MRPL42: variants seen among roughly 807,000 people sequenced by gnomAD.
MRPL42 encodes the protein mitochondrial ribosomal protein L42.
Under a neutral mutation model 17.9 loss-of-function variants are expected in MRPL42, and 17 were observed. The ratio of observed to expected loss-of-function variants is 0.95; its 90% CI spans 0.65 to 1.42. The LOEUF (loss-of-function observed/expected upper bound fraction) is 1.42, where lower values mean the gene tolerates loss of function less well. MRPL42 is among the 40% of genes most tolerant of loss of function. The probability of loss-of-function intolerance (pLI) is 0.00; values close to 1 mark genes in which losing one functional copy is unlikely to be tolerated. For missense variants in MRPL42, 177 were observed against 175.2 expected (o/e 1.01, Z -0.06); for synonymous variants, 59 against 54.4 (o/e 1.08, Z -0.37).
rs1463161561 is a variant in MRPL42 at position 93,513,374 on chromosome 12, A to AC, written c.*12155dup. On this transcript the variant is annotated 3_prime_UTR_variant, in exon 6 of 6. Transcript: ENST00000549982. ...CCTGGCAAATTTATTTTTTGTAGAGACCAAGTCTCCTTGTGTTACCCAGGT... is the reference window on the plus strand; with the variant it reads ...CCTGGCAAATTTATTTTTTGTAGAGACCCAAGTCTCCTTGTGTTACCCAGGT... 4.0e-5 allele frequency: 6 copies of AC among 151,802 alleles called. No homozygotes were observed. Among genetic ancestry groups the AC allele is most frequent in the African/African-American group, 1.2e-4 (5 of 41,312 alleles). The allele number at this position is 151,802 out of a possible 1,614,324, so 9.4% of individuals were successfully genotyped here.
intron 5 of MRPL42, among the ~76,000 whole-genome samples, chr12:93,490,446 G>A (rs1191947545): frequency 6.6e-6 from 1 of 152,198 alleles, no homozygotes; most frequent in Non-Finnish European, 1.5e-5. Context: ...ACTAGTTTAT[G>A]TGTATAAAGA....
rs1953606472 is a variant in MRPL42, at chr12:93,502,168, CCTGA to C, written c.*951_*954del. ...GTAATTTGTTTTGAAGGTTTTTTTT[CCTGA>C]CTGTCTTAAAGATTATGCTAGCTTT... On this transcript the variant is annotated 3_prime_UTR_variant, in exon 6 of 6. Coordinates refer to ENST00000549982, the MANE Select transcript of MRPL42 (RefSeq NM_014050.4). The C allele has an allele frequency of 6.6e-6, 1 of 151,916 alleles. No individual in the cohort carries two copies. The highest frequency in any genetic ancestry group is 2.4e-5 in the African/African-American group (1 of 41,364). The allele number at this position is 151,916 out of a possible 1,614,324, so 9.4% of individuals were successfully genotyped here. A position where few individuals can be genotyped will look rare whatever the true frequency, so the allele number is the denominator to read the frequency against.
chr12:93,489,414 AT>A (rs1195402928), intron 5 of MRPL42, among the ~76,000 whole-genome samples: 1 of 151,976 alleles, frequency 6.6e-6, no homozygotes, highest in Non-Finnish European at 1.5e-5. Context: ...AATAAAAGTG[AT>A]TTTTTTGTAT....
chr12:93,495,304 A>AT (rs1953477950), intron 5 of MRPL42, among the ~76,000 whole-genome samples: 1 of 151,968 alleles, frequency 6.6e-6, no homozygotes, highest in Non-Finnish European at 1.5e-5. Flanking sequence ...TTATGACTTG[A>AT]TTTTTTTTCA....
chr12:93,469,418 A>G, intron 2 of MRPL42, 63 bp downstream of exon 2: 3 of 1,280,860 alleles, frequency 2.3e-6, no homozygotes, highest in Non-Finnish European at 3.3e-6. Context: ...GAAAATTTAA[A>G]GCATTTAGTT....
In MRPL42 at chr12:93,469,317, C is replaced by T. The variant is rs771087311; in HGVS notation, c.32C>T (p.Ser11Leu). 1.2e-6 allele frequency: 2 copies of T among 1,611,288 alleles called. No homozygotes were observed. Among genetic ancestry groups the T allele is most frequent in the South Asian group, 1.1e-5 (1 of 90,196 alleles). Residue 11 changes from serine to leucine, a missense_variant, in exon 2 of 6, where the codon TCA becomes TTA. Physicochemically the swap from Ser to Leu is moderately radical, Grantham distance 145. Transcript: ENST00000549982. ...GTAGCTGCAGTAAAATGGGTGATGT[C>T]AAAGAGAACTATCTTGAAACATTTA... MAVAAVKWVMSKRTILKHLFP... is the reference protein window; with the variant it reads MAVAAVKWVMLKRTILKHLFP...
chr12:93,496,841 C>T (rs1197739305), intron 5 of MRPL42, among the ~76,000 whole-genome samples: 2 of 151,972 alleles, frequency 1.3e-5, no homozygotes, highest in East Asian at 3.9e-4. Flanking sequence ...GGACGGAGTT[C>T]TGCTCTTGTC....
chr12:93,477,909 C>A (rs56923631), intron 3 of MRPL42, among the ~76,000 whole-genome samples: 2,360 of 150,754 alleles, frequency 0.016, 63 homozygotes, highest in African/African-American at 0.054. Flanking sequence ...GTAATCTGCC[C>A]ACCTGGGCCT....
chr12:93,482,282 G>A (rs149643932), intron 4 of MRPL42, among the ~76,000 whole-genome samples: 10 of 152,200 alleles, frequency 6.6e-5, no homozygotes, highest in South Asian at 2.1e-4. Context: ...TGCATTTAAA[G>A]TTGTACCTCT....
chr12:93,470,643 GT>G, intron 2 of MRPL42: 1 of 946,280 alleles, frequency 1.1e-6, no homozygotes, highest in Non-Finnish European at 1.4e-6. Context: ...AGTCCCCAGT[GT>G]TTATTGTTCC....
At chr12:93,472,616 GTTA>G (rs1449401290) in intron 2 of MRPL42, among the ~76,000 whole-genome samples, 1 of 152,064 alleles carries the variant, frequency 6.6e-6, no homozygotes, top group Non-Finnish European at 1.5e-5. Context: ...TTTCATTACT[GTTA>G]TTATTGATGT....
At position 93,510,007 on chromosome 12, in the gene MRPL42, T is replaced by G. The variant is rs1462327781; in HGVS notation, c.*8786T>G. ...TTCACTCTTGGTGCTGTACAATCTATGGGTTTGAACAAAGGTACAATGACA... is the reference window on the plus strand; with the variant it reads ...TTCACTCTTGGTGCTGTACAATCTAGGGGTTTGAACAAAGGTACAATGACA... On this transcript the variant is annotated 3_prime_UTR_variant, in exon 6 of 6. Transcript: ENST00000549982. 2 of 152,146 alleles carry G rather than the reference T, an allele frequency of 1.3e-5. No individual in the cohort carries two copies. The highest frequency in any genetic ancestry group is 2.9e-5 in the Non-Finnish European group (2 of 68,042). The allele number at this position is 152,146 out of a possible 1,614,324, so 9.4% of individuals were successfully genotyped here. A position where few individuals can be genotyped will look rare whatever the true frequency, so the allele number is the denominator to read the frequency against.
chr12:93,472,754 A>G (rs10859495), intron 2 of MRPL42, among the ~76,000 whole-genome samples: 1 of 152,228 alleles, frequency 6.6e-6, no homozygotes, highest in South Asian at 2.1e-4. Context: ...AAAATTTCCC[A>G]AATGGTCAGT....
intron 2 of MRPL42, chr12:93,470,643 G>A (rs1217909442): frequency 5.3e-6 from 5 of 946,162 alleles, no homozygotes; most frequent in African/African-American, 5.1e-5. Flanking sequence ...AGTCCCCAGT[G>A]TTTATTGTTC....
chr12:93,496,286 T>G (rs1953501661), intron 5 of MRPL42, among the ~76,000 whole-genome samples: 1 of 152,052 alleles, frequency 6.6e-6, no homozygotes. Flanking sequence ...CTTGAACTCC[T>G]GACCTCAAGC....
Position 93,515,368 on chromosome 12 carries a change from ATTT to A in MRPL42, c.*14163_*14165del, listed in dbSNP as rs10711891. ...TAAAAATTAATAGGCCTTGGCAACTATTTTTTTTTTTTTTTTTTGAGACAGAGA... is the reference window on the plus strand; with the variant it reads ...TAAAAATTAATAGGCCTTGGCAACTATTTTTTTTTTTTTTTGAGACAGAGA... On this transcript the variant is annotated 3_prime_UTR_variant, in exon 6 of 6. Coordinates refer to ENST00000549982, the MANE Select transcript of MRPL42 (RefSeq NM_014050.4). 60 of 131,736 alleles carry A rather than the reference ATTT, an allele frequency of 4.6e-4. No homozygotes were observed. Among genetic ancestry groups the A allele is most frequent in the Middle Eastern group, 4.0e-3 (1 of 252 alleles). The allele number at this position is 131,736 out of a possible 1,614,324, so 8.2% of individuals were successfully genotyped here.
At chr12:93,496,280 A>C (rs1188280533) in intron 5 of MRPL42, among the ~76,000 whole-genome samples, 2 of 151,976 alleles carry the variant, frequency 1.3e-5, no homozygotes, top group African/African-American at 4.8e-5. Flanking sequence ...GCTGGTCTTG[A>C]ACTCCTGACC....
chr12:93,510,413 G>C lies in MRPL42; in HGVS notation c.*9192G>C, dbSNP rs888389477. 1 of 152,212 alleles carries C rather than the reference G, an allele frequency of 6.6e-6. No individual in the cohort carries two copies. Among genetic ancestry groups the C allele is most frequent in the African/African-American group, 2.4e-5 (1 of 41,442 alleles). 9.4% of individuals were successfully genotyped at this position (152,212 alleles called of 1,614,324 possible). A position where few individuals can be genotyped will look rare whatever the true frequency, so the allele number is the denominator to read the frequency against. On this transcript the variant is annotated 3_prime_UTR_variant, in exon 6 of 6. Transcript: ENST00000549982. ...ATAAAATTGCTATAGATATCCATGT[G>C]TAGGTTTTTGTGTCCATTTAAGCTT...
intron 3 of MRPL42, among the ~76,000 whole-genome samples, chr12:93,478,267 A>G (rs567213874): frequency 3.3e-4 from 50 of 151,848 alleles, no homozygotes; most frequent in Admixed American, 5.3e-4. Flanking sequence ...TTTATTTTTG[A>G]GACAGGGTCT....
Sources: allele counts gnomAD v4.1 joint callset (sites outside exome capture counted in the v4.1 genomes callset), GRCh38; gene constraint gnomAD v4.1.1; transcripts MANE v1.5; gene names NCBI Gene and HGNC (gene_info 2026-07-23, HGNC 2026-07-21).